Variants in SIN3A observed in about 807,000 individuals in gnomAD.
SIN3A encodes the protein SIN3 transcription regulator family member A.
A neutral mutation model predicts 146.1 loss-of-function variants in SIN3A; 14 were observed. That is an observed-to-expected ratio of 0.10 (90% CI 0.06 to 0.15). The LOEUF (loss-of-function observed/expected upper bound fraction) is 0.15, where lower values mean the gene tolerates loss of function less well. SIN3A is among the 10% of genes least tolerant of loss of function. The probability of loss-of-function intolerance (pLI) is 1.00; values close to 1 mark genes in which losing one functional copy is unlikely to be tolerated. For synonymous variants in SIN3A, 572 were observed against 572.0 expected (o/e 1.00, Z 0.00); for missense variants, 1,028 against 1,576.0 (o/e 0.65, Z 5.89).
rs377177543 is a variant in SIN3A at position 75,392,518 on chromosome 15, C to T, written c.2575G>A (p.Gly859Ser). The change falls in exon 15 of 21, where the codon GGC (glycine) becomes AGC (serine). Residue 859 changes from glycine to serine, a missense_variant. Physicochemically the swap from Gly to Ser is moderately conservative, Grantham distance 56. This residue lies in a region of SIN3A where 488 missense variants were observed against 690.2 expected (regional missense o/e 0.71). Coordinates refer to ENST00000394947, the MANE Select transcript of SIN3A (RefSeq NM_001145358.2). Reference protein sequence around the residue: ...GAVKKHNGVGGSPPKSKLLFS... With the variant: ...GAVKKHNGVGSSPPKSKLLFS... ...AGTAACTTGGACTTAGGGGGACTGC[C>T]CCCAACACCATTGTGCTTCTTAACT... 3.7e-6 allele frequency: 6 copies of T among 1,614,162 alleles called. No individual in the cohort carries two copies. The highest frequency in any genetic ancestry group is 2.2e-5 in the East Asian group (1 of 44,892).
rs1362534556 is a variant in SIN3A at position 75,422,634 on chromosome 15, A to G, written c.366+13T>C. The G allele has an allele frequency of 6.2e-7, 1 of 1,614,124 alleles. No individual in the cohort carries two copies. On this transcript the variant is annotated intron_variant, in intron 3 of 20. Coordinates refer to ENST00000394947, the MANE Select transcript of SIN3A (RefSeq NM_001145358.2). ...ATAAATTTTTTGACCCAAGAAAAAG[A>G]GCTGAATACCACCTTCAGCCTCTGA...
chr15:75,389,646 C>T lies in SIN3A; in HGVS notation c.3021+6G>A. ...TTACTCACCCTAGCCTCCTCCATGCCCTCACCTGTCTGACAATGCTCTGGA... is the reference window on the plus strand; with the variant it reads ...TTACTCACCCTAGCCTCCTCCATGCTCTCACCTGTCTGACAATGCTCTGGA... On this transcript the variant is annotated splice_donor_region_variant and intron_variant, in intron 16 of 20. Coordinates refer to ENST00000394947, the MANE Select transcript of SIN3A (RefSeq NM_001145358.2). 6.2e-7 allele frequency: 1 copy of T among 1,613,956 alleles called. No homozygotes were observed.
At chr15:75,395,988 TTATC>T (rs2073296044) in intron 13 of SIN3A, among the ~76,000 whole-genome samples, 1 of 152,050 alleles carries the variant, frequency 6.6e-6, no homozygotes, top group Admixed American at 6.6e-5. Flanking sequence ...TGGGTGGTAA[TTATC>T]TTCTTTTCTT....
intron 19 of SIN3A, among the ~76,000 whole-genome samples, chr15:75,376,790 G>T (rs2072865430): frequency 6.6e-6 from 1 of 150,428 alleles, no homozygotes; most frequent in African/African-American, 2.5e-5. Context: ...AGCCCAGAAG[G>T]CGGAGGTTGC....
At chr15:75,395,616 C>T (rs1328907561) in intron 13 of SIN3A, among the ~76,000 whole-genome samples, 3 of 152,088 alleles carry the variant, frequency 2.0e-5, no homozygotes, top group African/African-American at 7.2e-5. Flanking sequence ...TGACATGGGG[C>T]TGGGTGTGGT....
intron 16 of SIN3A, among the ~76,000 whole-genome samples, chr15:75,386,153 G>A (rs2073072124): frequency 6.6e-6 from 1 of 152,180 alleles, no homozygotes; most frequent in African/African-American, 2.4e-5. Context: ...AGCCTCTTAA[G>A]TAGCTGGGTC....
chr15:75,379,387 G>A (rs1363491061), intron 19 of SIN3A, among the ~76,000 whole-genome samples: 1 of 152,092 alleles, frequency 6.6e-6, no homozygotes, highest in African/African-American at 2.4e-5. Flanking sequence ...ATTAGAAACT[G>A]AAATTCTGGA....
At chr15:75,444,578 T>C (rs1313263827) in intron 1 of SIN3A, among the ~76,000 whole-genome samples, 1 of 151,790 alleles carries the variant, frequency 6.6e-6, no homozygotes, top group Non-Finnish European at 1.5e-5. Context: ...AAAACTAAAA[T>C]TGAGTCCAGA....
intron 20 of SIN3A, among the ~76,000 whole-genome samples, chr15:75,375,137 T>C (rs1256097880): frequency 1.3e-5 from 2 of 152,142 alleles, no homozygotes; most frequent in East Asian, 1.9e-4. Context: ...AAAATTCTTA[T>C]GTTGGCCGGG....
chr15:75,376,859 T>TAAAAAAAA (rs200318256), intron 19 of SIN3A, among the ~76,000 whole-genome samples: 1 of 115,808 alleles, frequency 8.6e-6, no homozygotes, highest in African/African-American at 3.2e-5. Context: ...GACACTGTCT[T>TAAAAAAAA]AAAAAAAAAA....
chr15:75,383,082 GACA>G (rs994282604), intron 17 of SIN3A, among the ~76,000 whole-genome samples: 11 of 151,084 alleles, frequency 7.3e-5, no homozygotes, highest in Admixed American at 6.6e-4. Flanking sequence ...GGACAACCTG[GACA>G]ACAAGAGTGA....
At chr15:75,449,441 A>C (rs1397584836) in intron 1 of SIN3A, among the ~76,000 whole-genome samples, 2 of 152,358 alleles carry the variant, frequency 1.3e-5, no homozygotes, top group African/African-American at 4.8e-5. Context: ...TTTCTCATGA[A>C]AAATGTGAAA....
chr15:75,412,706 A>G, intron 5 of SIN3A, 57 bp downstream of exon 5: 2 of 1,447,844 alleles, frequency 1.4e-6, no homozygotes, highest in Non-Finnish European at 9.2e-7. Context: ...GAAACATCAA[A>G]GGAAGGTGCT....
At chr15:75,396,576 G>T in intron 12 of SIN3A, 80 bp from the exon 13 acceptor site, 2 of 1,006,224 alleles carry the variant, frequency 2.0e-6, no homozygotes, top group Non-Finnish European at 3.0e-6. Flanking sequence ...AATAAGGTAG[G>T]GAGTCAAACT....
intron 14 of SIN3A, 62 bp from the exon 15 acceptor site, chr15:75,392,877 G>A: frequency 8.3e-7 from 1 of 1,201,660 alleles, no homozygotes; most frequent in Admixed American, 2.1e-5. Flanking sequence ...ATGTCTACAA[G>A]ACCACATCAG....
intron 1 of SIN3A, among the ~76,000 whole-genome samples, chr15:75,440,986 A>AG (rs1307129566): frequency 6.7e-6 from 1 of 150,342 alleles, no homozygotes; most frequent in Non-Finnish European, 1.5e-5. Flanking sequence ...CTGTCTCAAA[A>AG]AAAAAAAAAA....
At chr15:75,439,233 T>A (rs1345592178) in intron 1 of SIN3A, among the ~76,000 whole-genome samples, 2 of 152,110 alleles carry the variant, frequency 1.3e-5, no homozygotes, top group Non-Finnish European at 2.9e-5. Flanking sequence ...TTGTCAAACA[T>A]CCTACAATGC....
chr15:75,413,692 C>T (rs578008660), intron 4 of SIN3A, among the ~76,000 whole-genome samples: 6 of 152,086 alleles, frequency 3.9e-5, no homozygotes, highest in Admixed American at 1.3e-4. Context: ...TACAGGCACC[C>T]GCCACCATGC....
chr15:75,428,903 T>C (rs1180643450), intron 2 of SIN3A, among the ~76,000 whole-genome samples: 2 of 152,172 alleles, frequency 1.3e-5, no homozygotes, highest in Non-Finnish European at 2.9e-5. Context: ...GCCTCCTCAA[T>C]GTGAAGACAA....
Sources: allele counts gnomAD v4.1 joint callset (sites outside exome capture counted in the v4.1 genomes callset), GRCh38; gene constraint gnomAD v4.1.1; regional missense constraint gnomAD v4.1.1; transcripts MANE v1.5; gene names NCBI Gene and HGNC (gene_info 2026-07-23, HGNC 2026-07-21).